CLVS2: variants seen among roughly 807,000 people sequenced by gnomAD.
CLVS2 encodes clavesin-2.
Under a neutral mutation model 29.0 loss-of-function variants are expected in CLVS2, and 19 were observed. That is an observed-to-expected ratio of 0.66 (90% CI 0.46 to 0.96). The LOEUF is 0.96. Among genes scored for constraint, CLVS2 ranks in the 40% least tolerant of loss-of-function variants. The pLI is 0.00. For synonymous variants in CLVS2, 161 were observed against 151.3 expected (o/e 1.06, Z -0.47); for missense variants, 294 against 404.1 (o/e 0.73, Z 2.34).
At position 123,066,241 on chromosome 6, in the gene CLVS2, CTG is replaced by C. The variant is rs1443012955; in HGVS notation, c.*2484_*2485del. On this transcript the variant is annotated 3_prime_UTR_variant, in exon 6 of 6. Coordinates refer to ENST00000275162, the MANE Select transcript of CLVS2 (RefSeq NM_001010852.4). ...TAGGAATTTTTCCCTTCATGATATT[CTG>C]TGTCACATCCTATGTCTATGAATAA... The C allele has an allele frequency of 6.6e-6, 1 of 151,630 alleles. No homozygotes were observed. The allele number at this position is 151,630 out of a possible 1,614,324, so 9.4% of individuals were successfully genotyped here.
chr6:123,016,895 C>G (rs1774842443), intron 3 of CLVS2, among the ~76,000 whole-genome samples: 1 of 152,060 alleles, frequency 6.6e-6, no homozygotes, highest in African/African-American at 2.4e-5. Context: ...CACATTCTGG[C>G]TCTAAGCGTT....
chr6:123,057,349 T>C (rs1355878568), intron 5 of CLVS2, among the ~76,000 whole-genome samples: 3 of 142,512 alleles, frequency 2.1e-5, no homozygotes, highest in Admixed American at 2.1e-4. Context: ...TTTTTTTTTT[T>C]TTTTTTTTTT....
At position 123,070,535 on chromosome 6, in the gene CLVS2, C is replaced by T. The variant is rs1001515228; in HGVS notation, c.*6774C>T. The stretch of plus-strand genomic sequence containing the variant: ...TCAACACATTAGCAAGAGTGAGTCT[C>T]TTAAAATGTAACTCAGACCATTTTG... On this transcript the variant is annotated 3_prime_UTR_variant, in exon 6 of 6. Coordinates refer to ENST00000275162, the MANE Select transcript of CLVS2 (RefSeq NM_001010852.4). The T allele has an allele frequency of 1.3e-5, 2 of 151,916 alleles. No homozygotes were observed. The highest frequency in any genetic ancestry group is 4.8e-5 in the African/African-American group (2 of 41,410). The allele number at this position is 151,916 out of a possible 1,614,324, so 9.4% of individuals were successfully genotyped here.
At chr6:123,003,960 G>A (rs1774627547) in intron 2 of CLVS2, among the ~76,000 whole-genome samples, 1 of 151,744 alleles carries the variant, frequency 6.6e-6, no homozygotes, top group Admixed American at 6.6e-5. Flanking sequence ...GTCGCTTTTT[G>A]TGTGTGTGTG....
chr6:122,996,803 G>A (rs1228319883), intron 1 of CLVS2, 57 bp downstream of exon 1: 1 of 163,972 alleles, frequency 6.1e-6, no homozygotes, highest in Non-Finnish European at 1.5e-5. Context: ...AAAAGATAAG[G>A]ACATTTTTAT....
intron 2 of CLVS2, among the ~76,000 whole-genome samples, chr6:123,006,025 G>C (rs557501731): frequency 6.6e-6 from 1 of 152,302 alleles, no homozygotes; most frequent in South Asian, 2.1e-4. Context: ...ATCAAACAGT[G>C]AAAGAGTTTT....
intron 3 of CLVS2, among the ~76,000 whole-genome samples, chr6:123,047,156 A>T (rs999990554): frequency 1.3e-5 from 2 of 151,872 alleles, no homozygotes; most frequent in African/African-American, 4.8e-5. Flanking sequence ...CCTCTCTATG[A>T]CTCCCATATC....
At chr6:123,012,222 CAGGA>C (rs1303844738) in intron 3 of CLVS2, among the ~76,000 whole-genome samples, 1 of 151,946 alleles carries the variant, frequency 6.6e-6, no homozygotes. Context: ...ACAGTTAATA[CAGGA>C]TGGTAGACAG....
chr6:123,056,633 AT>A (rs1337095594), intron 5 of CLVS2, among the ~76,000 whole-genome samples: 1 of 152,184 alleles, frequency 6.6e-6, no homozygotes, highest in East Asian at 1.9e-4. Flanking sequence ...TGGTTTTCAA[AT>A]TGTATCCTGA....
At chr6:123,012,679 A>G (rs773004281) in intron 3 of CLVS2, among the ~76,000 whole-genome samples, 7 of 151,890 alleles carry the variant, frequency 4.6e-5, no homozygotes, top group Non-Finnish European at 8.8e-5. Flanking sequence ...TGTGAACACC[A>G]AGGAACTACA....
chr6:123,026,957 T>C (rs1014795443), intron 3 of CLVS2, among the ~76,000 whole-genome samples: 1 of 152,164 alleles, frequency 6.6e-6, no homozygotes, highest in Non-Finnish European at 1.5e-5. Flanking sequence ...ATTCAACAAA[T>C]GGCAAAATAA....
At chr6:123,010,517 A>G (rs895583502) in intron 2 of CLVS2, among the ~76,000 whole-genome samples, 1 of 152,048 alleles carries the variant, frequency 6.6e-6, no homozygotes, top group Non-Finnish European at 1.5e-5. Flanking sequence ...TACAAACTCA[A>G]TACAAGTAAT....
At chr6:123,055,526 A>G (rs1012043840) in intron 4 of CLVS2, among the ~76,000 whole-genome samples, 1 of 152,180 alleles carries the variant, frequency 6.6e-6, no homozygotes, top group African/African-American at 2.4e-5. Context: ...CTGCCTATGA[A>G]GAAGGAAACC....
Position 123,063,982 on chromosome 6 carries a change from G to T in CLVS2, c.*221G>T. 2.6e-6 allele frequency: 1 copy of T among 388,776 alleles called. No homozygotes were observed. The highest frequency in any genetic ancestry group is 4.3e-5 in the East Asian group (1 of 23,472). The allele number at this position is 388,776 out of a possible 1,614,324, so 24.1% of individuals were successfully genotyped here. On this transcript the variant is annotated 3_prime_UTR_variant, in exon 6 of 6. Transcript: ENST00000275162. ...TTATTCTGTAAGTGCCAAGTTGTTT[G>T]TAAATATAATGTAATCTTCATGTCA... is the stretch of plus-strand genomic sequence containing the variant.
rs61732197 is a variant in CLVS2 at position 123,055,961 on chromosome 6, T to C, written c.831T>C (p.Asn277=). Reference sequence around the variant, plus strand: ...AATATGACGATGACAGCGAGTACAATGTAGACTCCTACAGCATGCCTGTGA... The same window carrying C: ...AATATGACGATGACAGCGAGTACAACGTAGACTCCTACAGCATGCCTGTGA... ...DHEYDDDSEY[N]VDSYSMPVKE... The change falls in exon 5 of 6, where the codon AAT becomes AAC. Residue 277 remains asparagine (N), a synonymous_variant. Transcript: ENST00000275162. The C allele has an allele frequency of 2.8e-3, 4,562 of 1,613,942 alleles. 101 individuals carry two copies. In the African/African-American group the frequency reaches 0.053, roughly 19 times the overall value.
At position 123,040,070 on chromosome 6, in the gene CLVS2, T is replaced by G. The variant is rs544310600; in HGVS notation, c.565-8552T>G. Among the ~76,000 whole-genome samples, 8 of 152,200 alleles carry G rather than the reference T, an allele frequency of 5.3e-5. 1 individual carries two copies. The highest frequency in any genetic ancestry group is 1.9e-4 in the African/African-American group (8 of 41,540). On this transcript the variant is annotated intron_variant, in intron 3 of 5. Coordinates refer to ENST00000275162, the MANE Select transcript of CLVS2 (RefSeq NM_001010852.4). ...TAACATCGTATCAAGGGTCCAGGCT[T>G]GGGCAGGGGTGGGTTGTATCTGAAG...
intron 2 of CLVS2, among the ~76,000 whole-genome samples, chr6:123,005,361 CT>C (rs781650729): frequency 5.9e-5 from 9 of 152,098 alleles, no homozygotes; most frequent in Non-Finnish European, 1.2e-4. Flanking sequence ...TCCCCTCCCC[CT>C]AGCACCTTCT....
At chr6:123,033,623 T>C (rs960086789) in intron 3 of CLVS2, among the ~76,000 whole-genome samples, 2 of 151,938 alleles carry the variant, frequency 1.3e-5, no homozygotes, top group African/African-American at 4.8e-5. Context: ...TAGAAAAAAA[T>C]AGGCGACAAT....
intron 2 of CLVS2, among the ~76,000 whole-genome samples, chr6:123,005,525 T>C (rs1228216335): frequency 3.3e-5 from 5 of 152,074 alleles, no homozygotes; most frequent in Admixed American, 1.3e-4. Flanking sequence ...AAGATGCTAG[T>C]TTTTTCTTGT....
Sources: allele counts gnomAD v4.1 joint callset (sites outside exome capture counted in the v4.1 genomes callset), GRCh38; gene constraint gnomAD v4.1.1; transcripts MANE v1.5; gene names NCBI Gene and HGNC (gene_info 2026-07-23, HGNC 2026-07-21).